Variants in WFIKKN2 observed in about 807,000 individuals in gnomAD.
WFIKKN2 encodes the protein WAP, follistatin/kazal, immunoglobulin, kunitz and netrin domain containing 2, also known as WAP, Kazal, immunoglobulin, Kunitz and NTR domain-containing protein 2.
WFIKKN2 carries 25 observed loss-of-function variants against 39.2 expected under a neutral mutation model. The ratio of observed to expected loss-of-function variants is 0.64; its 90% CI spans 0.47 to 0.89. The LOEUF (loss-of-function observed/expected upper bound fraction) is 0.89, where lower values mean the gene tolerates loss of function less well. WFIKKN2 is among the 40% of genes least tolerant of loss of function. The pLI is 0.00. For synonymous variants in WFIKKN2, 345 were observed against 329.7 expected, an observed-to-expected ratio of 1.05 and a Z score of -0.50; for missense variants, 770 against 811.7, an observed-to-expected ratio of 0.95 and a Z score of 0.62.
chr17:50,839,039 C>G (rs1428976638), intron 1 of WFIKKN2, among the ~76,000 whole-genome samples: 1 of 152,208 alleles, frequency 6.6e-6, no homozygotes, highest in African/African-American at 2.4e-5. Flanking sequence ...TTTCTCAATC[C>G]CTTCCACTGG....
chr17:50,840,593 G>A lies in WFIKKN2; in HGVS notation c.1305G>A (p.Ser435=), dbSNP rs759067155. ...AGAGCCGTGAGGCCTGTGAGGAGTCGTGCCCCTTCCCCAGGGGGAACCAGC... is the reference window on the plus strand; with the variant it reads ...AGAGCCGTGAGGCCTGTGAGGAGTCATGCCCCTTCCCCAGGGGGAACCAGC... ...NFESREACEE[S]CPFPRGNQRC... is the part of the protein sequence containing the mutation. Residue 435 remains serine (S), a synonymous_variant, in exon 2 of 2, where the codon TCG becomes TCA. Transcript: ENST00000311378. 26 of 1,613,864 alleles carry A rather than the reference G, an allele frequency of 1.6e-5. No homozygotes were observed. Among genetic ancestry groups the A allele is most frequent in the East Asian group, 4.5e-5 (2 of 44,886 alleles).
At position 50,840,557 on chromosome 17, in the gene WFIKKN2, C is replaced by T. The variant is rs780209792; in HGVS notation, c.1269C>T (p.Gly423=). 1 of 1,614,052 alleles carries T rather than the reference C, an allele frequency of 6.2e-7. No homozygotes were observed. The highest frequency in any genetic ancestry group is 1.1e-5 in the South Asian group (1 of 91,088). The change falls in exon 2 of 2, where the codon GGC becomes GGT. Residue 423 remains glycine, a synonymous_variant. Transcript: ENST00000311378. ...SFVYGGCEGN[G]NNFESREACE... ...TCTATGGTGGCTGCGAGGGCAATGG[C>T]AACAACTTTGAGAGCCGTGAGGCCT...
In WFIKKN2 at chr17:50,839,854, C is replaced by A; in HGVS notation, c.566C>A (p.Pro189His). The A allele has an allele frequency of 6.2e-7, 1 of 1,614,228 alleles. No individual in the cohort carries two copies. Among genetic ancestry groups the A allele is most frequent in the Non-Finnish European group, 8.5e-7 (1 of 1,180,034 alleles). Residue 189 changes from proline (P) to histidine (H), a missense_variant, in exon 2 of 2, where the codon CCT (proline) becomes CAT (histidine). By Grantham distance (77) the Pro-to-His change is moderately conservative (BLOSUM62 -2). Coordinates refer to ENST00000311378, the MANE Select transcript of WFIKKN2 (RefSeq NM_175575.6). Reference protein sequence around the residue: ...FTWPNTSPPPPETTMHPTTAS... With the variant: ...FTWPNTSPPPHETTMHPTTAS... Reference sequence around the variant, plus strand: ...TGGCCCAACACCAGCCCCCCACCACCTGAGACCACCATGCACCCCACCACA... The same window carrying A: ...TGGCCCAACACCAGCCCCCCACCACATGAGACCACCATGCACCCCACCACA...
chr17:50,839,386 C>T, intron 1 of WFIKKN2, 113 bp from the exon 2 acceptor site: 1 of 994,964 alleles, frequency 1.0e-6, no homozygotes, highest in Admixed American at 2.9e-5. Context: ...TGTTTTGCTC[C>T]CACTAGATGG....
At position 50,835,933 on chromosome 17, in the gene WFIKKN2, G is replaced by C; in HGVS notation, c.-5G>C. 2 of 1,610,370 alleles carry C rather than the reference G, an allele frequency of 1.2e-6. No individual in the cohort carries two copies. The highest frequency in any genetic ancestry group is 1.7e-6 in the Non-Finnish European group (2 of 1,178,438). On this transcript the variant is annotated 5_prime_UTR_variant, in exon 1 of 2. Transcript: ENST00000311378. ...GGGAGGTCTCTAGCCGCCCCAGCCT[G>C]CACCATGTGGGCCCCAAGGTGTCGC...
At position 50,840,640 on chromosome 17, in the gene WFIKKN2, G is replaced by A. The variant is rs1324548220; in HGVS notation, c.1352G>A (p.Arg451Gln). 9 of 1,613,896 alleles carry A rather than the reference G, an allele frequency of 5.6e-6. No homozygotes were observed. Among genetic ancestry groups the A allele is most frequent in the African/African-American group, 2.7e-5 (2 of 74,956 alleles). ...CAGCGCTGTCGGGCCTGCAAGCCTCGGCAGAAGCTCGTTACCAGCTTCTGT... is the reference window on the plus strand; with the variant it reads ...CAGCGCTGTCGGGCCTGCAAGCCTCAGCAGAAGCTCGTTACCAGCTTCTGT... Reference protein sequence around the residue: ...GNQRCRACKPRQKLVTSFCRS... With the variant: ...GNQRCRACKPQQKLVTSFCRS... Residue 451 changes from arginine (R) to glutamine (Q), a missense_variant, in exon 2 of 2, where the codon CGG becomes CAG. Arg to Gln is a conservative substitution (Grantham distance 43). Transcript: ENST00000311378.
Position 50,835,772 on chromosome 17 carries a change from G to C in WFIKKN2, c.-166G>C, listed in dbSNP as rs1366450016. 7.1e-6 allele frequency: 5 copies of C among 704,780 alleles called. No individual in the cohort carries two copies. The highest frequency in any genetic ancestry group is 1.2e-5 in the Non-Finnish European group (5 of 432,234). The allele number at this position is 704,780 out of a possible 1,614,324, so 43.7% of individuals were successfully genotyped here. On this transcript the variant is annotated 5_prime_UTR_variant, in exon 1 of 2. Coordinates refer to ENST00000311378, the MANE Select transcript of WFIKKN2 (RefSeq NM_175575.6). ...GCCGCACAGCCCGGCAGGCTGTGCT[G>C]ACTTGGTGGAGGCAGCAGCGGCAGA...
Position 50,835,855 on chromosome 17 carries a change from G to A in WFIKKN2, c.-83G>A. On this transcript the variant is annotated 5_prime_UTR_variant, in exon 1 of 2. Coordinates refer to ENST00000311378, the MANE Select transcript of WFIKKN2 (RefSeq NM_175575.6). ...GCTGGGGTGGGGAGGGCAGGTGTCT[G>A]CAGCCCCTGAGAAGAAGGCCCTGGT... 6.9e-6 allele frequency: 10 copies of A among 1,458,838 alleles called. No individual in the cohort carries two copies. The highest frequency in any genetic ancestry group is 8.3e-6 in the Non-Finnish European group (9 of 1,084,210). 90.4% of individuals were successfully genotyped at this position (1,458,838 alleles called of 1,614,324 possible). A position where few individuals can be genotyped will look rare whatever the true frequency, so the allele number is the denominator to read the frequency against.
chr17:50,835,829 T>A lies in WFIKKN2; in HGVS notation c.-109T>A, dbSNP rs540881315. 7.9e-7 allele frequency: 1 copy of A among 1,262,186 alleles called. No individual in the cohort carries two copies. Among genetic ancestry groups the A allele is most frequent in the Admixed American group, 2.7e-5 (1 of 37,734 alleles). 78.2% of individuals were successfully genotyped at this position (1,262,186 alleles called of 1,614,324 possible). ...TGAGCAGCAGCCTGAGCAGGAAACC[T>A]GCTGGGGTGGGGAGGGCAGGTGTCT... On this transcript the variant is annotated 5_prime_UTR_variant, in exon 1 of 2. Coordinates refer to ENST00000311378, the MANE Select transcript of WFIKKN2 (RefSeq NM_175575.6).
Position 50,836,273 on chromosome 17 carries a change from T to C in WFIKKN2, c.210+126T>C, listed in dbSNP as rs935519254. 14 of 1,144,918 alleles carry C rather than the reference T, an allele frequency of 1.2e-5. No homozygotes were observed. In the East Asian group the frequency reaches 2.1e-4, roughly 17 times the overall value. The allele number at this position is 1,144,918 out of a possible 1,614,324, so 70.9% of individuals were successfully genotyped here. A position where few individuals can be genotyped will look rare whatever the true frequency, so the allele number is the denominator to read the frequency against. ...CGTGAGTGGGGTCCAGAAGCCACAG[T>C]GTGAGGCGGACCAGGTGAGTGGTGT... On this transcript the variant is annotated intron_variant, in intron 1 of 1. Transcript: ENST00000311378.
chr17:50,839,509 C>T lies in WFIKKN2; in HGVS notation c.221C>T (p.Thr74Ile), dbSNP rs1240104569. 4.3e-6 allele frequency: 7 copies of T among 1,612,732 alleles called. No homozygotes were observed. The highest frequency in any genetic ancestry group is 5.9e-6 in the Non-Finnish European group (7 of 1,179,180). The part of the protein sequence containing the change: ...RECETDQECE[T>I]YEKCCPNVCG... Reference sequence around the variant, plus strand: ...CTCTGGCTCTTTCAGGAGTGTGAGACCTATGAGAAGTGCTGCCCCAACGTA... The same window carrying T: ...CTCTGGCTCTTTCAGGAGTGTGAGATCTATGAGAAGTGCTGCCCCAACGTA... The change falls in exon 2 of 2, where the codon ACC becomes ATC. Residue 74 changes from threonine (T) to isoleucine (I), a missense_variant. By Grantham distance (89) the Thr-to-Ile change is moderately conservative (BLOSUM62 -1). Coordinates refer to ENST00000311378, the MANE Select transcript of WFIKKN2 (RefSeq NM_175575.6).
intron 1 of WFIKKN2, among the ~76,000 whole-genome samples, chr17:50,837,703 C>T (rs1243981258): frequency 3.3e-5 from 5 of 152,212 alleles, no homozygotes; most frequent in Non-Finnish European, 7.3e-5. Flanking sequence ...CCTCACAGTG[C>T]CCAGGGACAA....
rs1266255923 is a variant in WFIKKN2, at chr17:50,836,062, A to G, written c.125A>G (p.His42Arg). ...SLALPPIRYS[H>R]AGICPNDMNP... is the part of the protein sequence containing the mutation. ...GCGCTGCCGCCCATCCGCTATTCCCACGCCGGCATCTGCCCCAACGACATG... is the reference window on the plus strand; with the variant it reads ...GCGCTGCCGCCCATCCGCTATTCCCGCGCCGGCATCTGCCCCAACGACATG... The change falls in exon 1 of 2, where the codon CAC (histidine) becomes CGC (arginine). Residue 42 changes from histidine to arginine, a missense_variant. By Grantham distance (29) the His-to-Arg change is conservative. Coordinates refer to ENST00000311378, the MANE Select transcript of WFIKKN2 (RefSeq NM_175575.6). 6.2e-7 allele frequency: 1 copy of G among 1,607,228 alleles called. No homozygotes were observed. Among genetic ancestry groups the G allele is most frequent in the South Asian group, 1.1e-5 (1 of 90,016 alleles).
chr17:50,839,550 T>C lies in WFIKKN2; in HGVS notation c.262T>C (p.Cys88Arg). The C allele has an allele frequency of 1.2e-6, 2 of 1,614,150 alleles. No homozygotes were observed. Among genetic ancestry groups the C allele is most frequent in the African/African-American group, 1.3e-5 (1 of 75,038 alleles). Residue 88 changes from cysteine to arginine, a missense_variant, in exon 2 of 2, where the codon TGC becomes CGC. By Grantham distance (180) the Cys-to-Arg change is radical. Transcript: ENST00000311378. ...CCPNVCGTKS[C>R]VAARYMDVKG... ...CCCCAACGTATGTGGGACCAAGAGC[T>C]GCGTGGCGGCCCGCTACATGGACGT... is the stretch of plus-strand genomic sequence containing the variant.
In WFIKKN2 at chr17:50,839,486, C is replaced by T. The variant is rs573582544; in HGVS notation, c.211-13C>T. ...CTTCTCCCTGTTCAGGCCACTCTCT[C>T]TGGCTCTTTCAGGAGTGTGAGACCT... On this transcript the variant is annotated splice_polypyrimidine_tract_variant and intron_variant, in intron 1 of 1. Transcript: ENST00000311378. 1.2e-6 allele frequency: 2 copies of T among 1,604,944 alleles called. No individual in the cohort carries two copies. Among genetic ancestry groups the T allele is most frequent in the South Asian group, 2.2e-5 (2 of 89,556 alleles).
At chr17:50,839,400 G>A in intron 1 of WFIKKN2, 99 bp from the exon 2 acceptor site, 1 of 1,155,018 alleles carries the variant, frequency 8.7e-7, no homozygotes. Context: ...TAGATGGTGA[G>A]TACATGTTAG....
chr17:50,837,023 G>A (rs1003234084), intron 1 of WFIKKN2, among the ~76,000 whole-genome samples: 29 of 152,344 alleles, frequency 1.9e-4, no homozygotes, highest in African/African-American at 6.3e-4. Context: ...GGAGCCCGAG[G>A]ATTCCTCCTT....
In WFIKKN2 at chr17:50,840,689, C is replaced by CCGAG; in HGVS notation, c.1402_1405dup (p.Val469AlafsTer4). ...GTCGCAGCGACTTTGTCATCCTGGG[C>CCGAG]CGAGTCTCTGAGCTGACCGAGGAGC... On this transcript the variant is annotated frameshift_variant, in exon 2 of 2. Coordinates refer to ENST00000311378, the MANE Select transcript of WFIKKN2 (RefSeq NM_175575.6). LOFTEE classifies it high-confidence loss of function. The CCGAG allele has an allele frequency of 6.2e-7, 1 of 1,613,982 alleles. No individual in the cohort carries two copies. The highest frequency in any genetic ancestry group is 8.5e-7 in the Non-Finnish European group (1 of 1,180,008).
rs765795460 is a variant in WFIKKN2 at position 50,839,845 on chromosome 17, C to A, written c.557C>A (p.Pro186His). The change falls in exon 2 of 2, where the codon CCC becomes CAC. Residue 186 changes from proline (P) to histidine (H), a missense_variant. Pro to His is a moderately conservative substitution (Grantham distance 77). Transcript: ENST00000311378. ...CACTTCACCTGGCCCAACACCAGCC[C>A]CCCACCACCTGAGACCACCATGCAC... is the stretch of plus-strand genomic sequence containing the variant. ...RYHFTWPNTS[P>H]PPPETTMHPT... The A allele has an allele frequency of 6.2e-7, 1 of 1,614,194 alleles. No individual in the cohort carries two copies. The highest frequency in any genetic ancestry group is 2.2e-5 in the East Asian group (1 of 44,876).
Sources: gnomAD v4.1 joint callset for allele counts (sites outside exome capture counted in the v4.1 genomes callset) on GRCh38, gnomAD v4.1.1 for gene constraint, MANE v1.5 for transcripts, NCBI Gene and HGNC (gene_info 2026-07-23, HGNC 2026-07-21) for gene names.